The following HK1 variants were observed in gnomAD, a reference collection of about 807,000 sequenced individuals.
The protein encoded by HK1 is hexokinase-1.
Under a neutral mutation model 91.6 loss-of-function variants are expected in HK1, and 28 were observed. The observed-to-expected ratio is 0.31, with a 90% confidence interval of 0.23 to 0.42. The LOEUF (loss-of-function observed/expected upper bound fraction) is 0.42, where lower values mean the gene tolerates loss of function less well. Among genes scored for constraint, HK1 ranks in the 10% least tolerant of loss-of-function variants. HK1 has a pLI of 1.00. For synonymous variants in HK1, 430 were observed against 468.1 expected, an observed-to-expected ratio of 0.92 and a Z score of 1.05; for missense variants, 770 against 1,219.8, an observed-to-expected ratio of 0.63 and a Z score of 5.49.
chr10:69,338,161 C>T, intron 1 of HK1: 1 of 884,962 alleles, frequency 1.1e-6, no homozygotes, highest in Non-Finnish European at 1.4e-6. Flanking sequence ...CCTTGGTCCA[C>T]AAGAAGGAGA....
chr10:69,326,931 C>G (rs1459448555), intron 1 of HK1, among the ~76,000 whole-genome samples: 1 of 144,404 alleles, frequency 6.9e-6, no homozygotes, highest in African/African-American at 2.6e-5. Flanking sequence ...TGGTTTTGAT[C>G]TTTTGTAAAT....
intron 4 of HK1, chr10:69,295,702 T>C: frequency 6.7e-7 from 1 of 1,484,862 alleles, no homozygotes; most frequent in Non-Finnish European, 9.4e-7. Flanking sequence ...ATTTTTTTTT[T>C]TATTTCCTTC....
intron 3 of HK1, 104 bp downstream of exon 3, chr10:69,360,149 G>T: frequency 8.5e-7 from 1 of 1,172,790 alleles, no homozygotes; most frequent in Non-Finnish European, 1.3e-6. Context: ...CCTGGAAGAG[G>T]GTTGCTGGAA....
intron 3 of HK1, among the ~76,000 whole-genome samples, chr10:69,293,991 A>G (rs1476268993): frequency 6.6e-6 from 1 of 150,408 alleles, no homozygotes; most frequent in Non-Finnish European, 1.5e-5. Context: ...CCTCCCGAGT[A>G]GCTGGGACTA....
chr10:69,343,272 T>C (rs1848382063), intron 1 of HK1, among the ~76,000 whole-genome samples: 1 of 152,242 alleles, frequency 6.6e-6, no homozygotes, highest in African/African-American at 2.4e-5. Context: ...CTGATGTTTA[T>C]TGAGCAGTTA....
At chr10:69,330,053 C>A (rs145614659) in intron 1 of HK1, among the ~76,000 whole-genome samples, 1 of 152,198 alleles carries the variant, frequency 6.6e-6, no homozygotes, top group South Asian at 2.1e-4. Context: ...CATGAAAACC[C>A]CCTCAATGCT....
At chr10:69,347,718 G>C (rs1408379650) in intron 2 of HK1, among the ~76,000 whole-genome samples, 1 of 152,174 alleles carries the variant, frequency 6.6e-6, no homozygotes, top group Non-Finnish European at 1.5e-5. Flanking sequence ...ACAGGTGTGA[G>C]CCACCACGCC....
chr10:69,294,002 C>T (rs1845426066), intron 3 of HK1, among the ~76,000 whole-genome samples: 1 of 151,658 alleles, frequency 6.6e-6, no homozygotes, highest in African/African-American at 2.4e-5. Flanking sequence ...GCTGGGACTA[C>T]AGGCGCCCAC....
chr10:69,387,563 A>C (rs1839698616), intron 13 of HK1, among the ~76,000 whole-genome samples: 1 of 151,936 alleles, frequency 6.6e-6, no homozygotes. Flanking sequence ...TGGGGTTTTT[A>C]AATAGAGGTG....
At chr10:69,274,904 T>C (rs1234534380) in intron 1 of HK1, among the ~76,000 whole-genome samples, 1 of 152,150 alleles carries the variant, frequency 6.6e-6, no homozygotes, top group Non-Finnish European at 1.5e-5. Flanking sequence ...CTGGCAAGTC[T>C]AATCTCCCCC....
At chr10:69,307,088 G>T (rs1270350646) in intron 5 of HK1, among the ~76,000 whole-genome samples, 1 of 152,198 alleles carries the variant, frequency 6.6e-6, no homozygotes, top group Admixed American at 6.5e-5. Context: ...GTGCCCATGG[G>T]ACATATAAGA....
chr10:69,318,096 C>T (rs1846744502), upstream of HK1: 1 of 985,346 alleles, frequency 1.0e-6, no homozygotes, highest in Non-Finnish European at 1.2e-6. Context: ...GGAGTGCGCC[C>T]TGAGGGAGAG....
chr10:69,336,442 C>T (rs943364974), intron 1 of HK1, among the ~76,000 whole-genome samples: 5 of 151,814 alleles, frequency 3.3e-5, no homozygotes, highest in Non-Finnish European at 4.4e-5. Context: ...CCACCAGCCT[C>T]GGCCTCCCAA....
At chr10:69,354,575 A>G (rs576954628) in intron 2 of HK1, among the ~76,000 whole-genome samples, 1 of 152,296 alleles carries the variant, frequency 6.6e-6, no homozygotes, top group South Asian at 2.1e-4. Context: ...CTTTCTTGAT[A>G]TGTGGGCATT....
In HK1 at chr10:69,388,787, G is replaced by A. The variant is rs538091797; in HGVS notation, c.1936-410G>A. 3.3e-5 allele frequency among the ~76,000 whole-genome samples: 5 copies of A among 152,226 alleles called. No homozygotes were observed. The East Asian group carries it at 9.7e-4, about 29-fold the overall frequency. On this transcript the variant is annotated intron_variant, in intron 13 of 17. Coordinates refer to ENST00000359426, the MANE Select transcript of HK1 (RefSeq NM_000188.3). Reference sequence around the variant, plus strand: ...TGTCATGCAGTAAATATCCTTGTATGTGTGCGTTTGTGCACCTGCAGACTA... The same window carrying A: ...TGTCATGCAGTAAATATCCTTGTATATGTGCGTTTGTGCACCTGCAGACTA...
Position 69,386,411 on chromosome 10 carries a change from G to A in HK1, c.1928G>A (p.Arg643Lys), listed in dbSNP as rs754968249. 1.2e-6 allele frequency: 2 copies of A among 1,609,608 alleles called. No individual in the cohort carries two copies. The highest frequency in any genetic ancestry group is 2.2e-5 in the South Asian group (2 of 90,990). ...ACCTTACTAAGGGATGCGATAAAAAGGAGAGAGGTAACTATTAAAAGAATG... is the reference window on the plus strand; with the variant it reads ...ACCTTACTAAGGGATGCGATAAAAAAGAGAGAGGTAACTATTAAAAGAATG... ...VVTLLRDAIK[R>K]REEFDLDVVA... Residue 643 changes from arginine to lysine, a missense_variant, in exon 13 of 18, where the codon AGG (arginine) becomes AAG (lysine). Coordinates refer to ENST00000359426, the MANE Select transcript of HK1 (RefSeq NM_000188.3).
chr10:69,279,858 C>T (rs531078541), intron 1 of HK1, among the ~76,000 whole-genome samples: 6 of 152,326 alleles, frequency 3.9e-5, no homozygotes, highest in African/African-American at 1.2e-4. Context: ...GTCAGCTGCT[C>T]AGCTGGAGAG....
At chr10:69,332,533 C>A (rs1315809517) in intron 1 of HK1, among the ~76,000 whole-genome samples, 3 of 151,956 alleles carry the variant, frequency 2.0e-5, no homozygotes, top group African/African-American at 7.3e-5. Context: ...AGCGCCGCAC[C>A]ACACCCAGCT....
In HK1 at chr10:69,384,685, T is replaced by A. The variant is rs567185270; in HGVS notation, c.1720-111T>A. On this transcript the variant is annotated intron_variant, in intron 11 of 17. Coordinates refer to ENST00000359426, the MANE Select transcript of HK1 (RefSeq NM_000188.3). ...TGGAAAAGGAGGCTCACTCTGCATGTGTGTGGGGTGTGTTTTCCTACGTGT... is the reference window on the plus strand; with the variant it reads ...TGGAAAAGGAGGCTCACTCTGCATGAGTGTGGGGTGTGTTTTCCTACGTGT... 60 of 1,471,064 alleles carry A rather than the reference T, an allele frequency of 4.1e-5. 1 individual carries two copies. The South Asian group carries it at 6.5e-4, about 16-fold the overall frequency. The allele number at this position is 1,471,064 out of a possible 1,614,324, so 91.1% of individuals were successfully genotyped here.
Sources: allele counts gnomAD v4.1 joint callset (sites outside exome capture counted in the v4.1 genomes callset), GRCh38; gene constraint gnomAD v4.1.1; transcripts MANE v1.5; gene names NCBI Gene and HGNC (gene_info 2026-07-23, HGNC 2026-07-21).